The following ABCA13 variants were observed in gnomAD, a reference collection of about 807,000 sequenced individuals.
ABCA13 encodes ATP binding cassette subfamily A member 13.
A neutral mutation model predicts 478.7 loss-of-function variants in ABCA13; 476 were observed. The ratio of observed to expected loss-of-function variants is 0.99; its 90% CI spans 0.92 to 1.07. ABCA13 has a LOEUF of 1.07. ABCA13 is among the 50% of genes least tolerant of loss of function. The pLI is 0.00. For synonymous variants in ABCA13, 2,252 were observed against 2,158.9 expected (o/e 1.04, Z -1.20); for missense variants, 6,060 against 5,910.6 (o/e 1.03, Z -0.83).
chr7:48,268,958 T>C, intron 15 of ABCA13, 22 bp from the exon 16 acceptor site: 1 of 1,326,128 alleles, frequency 7.5e-7, no homozygotes, highest in Non-Finnish European at 1.1e-6. Context: ...ATAATTAATG[T>C]AGAAAATGTC....
At chr7:48,387,659 C>T (rs1815395131) in intron 35 of ABCA13, among the ~76,000 whole-genome samples, 163 bp from the exon 36 acceptor site, 2 of 152,032 alleles carry the variant, frequency 1.3e-5, no homozygotes, top group South Asian at 4.1e-4. Flanking sequence ...GGCTCCACTG[C>T]AAAACTAATA....
chr7:48,618,707 G>C (rs558187040), intron 59 of ABCA13, among the ~76,000 whole-genome samples: 2 of 152,290 alleles, frequency 1.3e-5, no homozygotes, highest in South Asian at 4.1e-4. Context: ...GGGCTGTGCA[G>C]CATAGGGGTT....
intron 27 of ABCA13, among the ~76,000 whole-genome samples, chr7:48,332,911 A>G (rs1294419607): frequency 2.6e-5 from 4 of 152,102 alleles, no homozygotes; most frequent in Non-Finnish European, 5.9e-5. Flanking sequence ...GTGTGGTTTA[A>G]TGTAGATTTC....
intron 32 of ABCA13, 146 bp downstream of exon 32, chr7:48,368,054 C>T (rs918016235): frequency 3.7e-6 from 2 of 541,932 alleles, no homozygotes; most frequent in African/African-American, 1.9e-5. Context: ...TAGCTGAGTC[C>T]CTGTTCCAGA....
At chr7:48,593,015 C>G (rs182812695) in intron 57 of ABCA13, among the ~76,000 whole-genome samples, 9 of 151,990 alleles carry the variant, frequency 5.9e-5, no homozygotes, top group Non-Finnish European at 1.2e-4. Context: ...TGGTTTTTAT[C>G]CATTCATTCA....
chr7:48,431,774 G>A (rs188394470), intron 42 of ABCA13, among the ~76,000 whole-genome samples: 5 of 151,794 alleles, frequency 3.3e-5, no homozygotes, highest in African/African-American at 9.7e-5. Context: ...ATTCTTCCTG[G>A]TCTTTTTAGA....
At chr7:48,506,288 C>T in intron 48 of ABCA13, 48 bp from the exon 49 acceptor site, 1 of 1,583,762 alleles carries the variant, frequency 6.3e-7, no homozygotes, top group Non-Finnish European at 8.7e-7. Context: ...CTGCGATTCA[C>T]CATGCAGGAG....
rs530551936 is a variant in ABCA13, at chr7:48,352,115, T to G, written c.10382-66T>G. ...CTGCAACTTTTCCTGTCTCACCCAG[T>G]GTAGGCGTGGTTTGAGCCACTCCCT... is the stretch of plus-strand genomic sequence containing the variant. On this transcript the variant is annotated intron_variant, in intron 30 of 61. Coordinates refer to ENST00000435803, the MANE Select transcript of ABCA13 (RefSeq NM_152701.5). The G allele has an allele frequency of 2.0e-5, 30 of 1,490,436 alleles. No homozygotes were observed. The South Asian group carries it at 2.3e-4, about 11-fold the overall frequency. 92.3% of individuals were successfully genotyped at this position (1,490,436 alleles called of 1,614,324 possible).
chr7:48,476,262 C>T (rs1439562253), intron 45 of ABCA13, among the ~76,000 whole-genome samples: 1 of 152,168 alleles, frequency 6.6e-6, no homozygotes, highest in Non-Finnish European at 1.5e-5. Flanking sequence ...TGTCACAGTG[C>T]CTCCTCCCCT....
At chr7:48,225,667 A>G (rs545194167) in intron 5 of ABCA13, among the ~76,000 whole-genome samples, 1 of 152,216 alleles carries the variant, frequency 6.6e-6, no homozygotes, top group Non-Finnish European at 1.5e-5. Flanking sequence ...ATCTATCTCA[A>G]TTTTGGGGTT....
At chr7:48,236,077 G>A (rs935199775) in intron 8 of ABCA13, among the ~76,000 whole-genome samples, 2 of 152,102 alleles carry the variant, frequency 1.3e-5, no homozygotes, top group African/African-American at 4.8e-5. Context: ...CCTCATTGTA[G>A]ATCAAGGATC....
At chr7:48,385,987 C>T (rs1350726517) in intron 35 of ABCA13, among the ~76,000 whole-genome samples, 1 of 152,128 alleles carries the variant, frequency 6.6e-6, no homozygotes, top group African/African-American at 2.4e-5. Flanking sequence ...ATATCCCTTG[C>T]CCACTTTCTA....
At chr7:48,477,131 G>A (rs541043642) in intron 45 of ABCA13, among the ~76,000 whole-genome samples, 18 of 152,040 alleles carry the variant, frequency 1.2e-4, no homozygotes, top group African/African-American at 4.1e-4. Flanking sequence ...GTGGGGGGGC[G>A]GTCAATATTC....
Position 48,489,259 on chromosome 7 carries a change from T to G in ABCA13, c.13206T>G (p.Phe4402Leu). ...LAKVWYNQKG[F>L]HSLPSYLNHL... is the part of the protein sequence containing the mutation. ...AGGTGTGGTATAATCAGAAGGGTTT[T>G]CATTCCCTACCTTCCTACTTAAATC... The change falls in exon 48 of 62, where the codon TTT becomes TTG. Residue 4402 changes from phenylalanine to leucine, a missense_variant. Physicochemically the swap from Phe to Leu is conservative, Grantham distance 22 (BLOSUM62 0). This residue lies in a region of ABCA13 where 1,627 missense variants were observed against 1,571.0 expected (regional missense o/e 1.04). Coordinates refer to ENST00000435803, the MANE Select transcript of ABCA13 (RefSeq NM_152701.5). The G allele has an allele frequency of 6.2e-7, 1 of 1,612,336 alleles. No homozygotes were observed. The highest frequency in any genetic ancestry group is 8.5e-7 in the Non-Finnish European group (1 of 1,178,948).
chr7:48,339,116 A>G (rs1806722719), intron 29 of ABCA13, among the ~76,000 whole-genome samples: 1 of 152,132 alleles, frequency 6.6e-6, no homozygotes, highest in Non-Finnish European at 1.5e-5. Flanking sequence ...CAGAGGGAGG[A>G]TGGGTGTCAG....
chr7:48,446,708 G>C (rs953154816), intron 42 of ABCA13, among the ~76,000 whole-genome samples: 2 of 152,216 alleles, frequency 1.3e-5, no homozygotes, highest in Middle Eastern at 3.4e-3. Context: ...GTGTCTCCAG[G>C]CTTAACCATG....
At chr7:48,470,915 T>C (rs1827423223) in intron 44 of ABCA13, among the ~76,000 whole-genome samples, 1 of 152,212 alleles carries the variant, frequency 6.6e-6, no homozygotes, top group Admixed American at 6.5e-5. Flanking sequence ...GTAATTATCA[T>C]TACTGAAACA....
rs1056835934 is a variant in ABCA13 at position 48,493,955 on chromosome 7, G to A, written c.13291+4611G>A. On this transcript the variant is annotated intron_variant, in intron 48 of 61. Transcript: ENST00000435803. The stretch of plus-strand genomic sequence containing the variant: ...AAACAGACAGAAGTGTAAGTTAGGA[G>A]TCAGTTTAGAGATATCCACACTCAC... Among the ~76,000 whole-genome samples the A allele has an allele frequency of 5.3e-5, 8 of 152,192 alleles. No individual in the cohort carries two copies. In the East Asian group the frequency reaches 1.5e-3, roughly 29 times the overall value.
intron 31 of ABCA13, among the ~76,000 whole-genome samples, chr7:48,357,654 T>A (rs1810144999): frequency 6.6e-6 from 1 of 151,956 alleles, no homozygotes; most frequent in Admixed American, 6.5e-5. Flanking sequence ...ATCTCACTTA[T>A]TCTCTAAAAA....
Sources: allele counts gnomAD v4.1 joint callset (sites outside exome capture counted in the v4.1 genomes callset), GRCh38; gene constraint gnomAD v4.1.1; regional missense constraint gnomAD v4.1.1; transcripts MANE v1.5; gene names NCBI Gene and HGNC (gene_info 2026-07-23, HGNC 2026-07-21).